The following ROBO4 variants were observed in gnomAD, a reference collection of about 807,000 sequenced individuals.
ROBO4 encodes the protein roundabout homolog 4.
In ROBO4, 80 loss-of-function variants were observed where a neutral mutation model predicts 103.3. The ratio of observed to expected loss-of-function variants is 0.77; its 90% confidence interval spans 0.65 to 0.93. The LOEUF is 0.93. Ranked by LOEUF, ROBO4 falls within the 40% of genes least tolerant of loss-of-function variation. The pLI is 0.00. For synonymous variants in ROBO4, 504 were observed against 529.7 expected (o/e 0.95, Z 0.67); for missense variants, 1,333 against 1,305.3 (o/e 1.02, Z -0.33).
Position 124,887,061 on chromosome 11 carries a change from G to C in ROBO4, c.2351C>G (p.Ser784Cys). The C allele has an allele frequency of 6.2e-7, 1 of 1,613,872 alleles. No individual in the cohort carries two copies. Among genetic ancestry groups the C allele is most frequent in the Non-Finnish European group, 8.5e-7 (1 of 1,179,880 alleles). The stretch of plus-strand genomic sequence containing the variant: ...CACGCTGTCTTGATCCTCCCCCAGG[G>C]ATGACAGTGAGGAGCTGGACAGGCG... The part of the protein sequence containing the change: ...SSRLSSSSLS[S>C]LGEDQDSVLT... Residue 784 changes from serine (S) to cysteine (C), a missense_variant, in exon 15 of 18, where the codon TCC becomes TGC. Physicochemically the swap from Ser to Cys is moderately radical, Grantham distance 112. Coordinates refer to ENST00000306534, the MANE Select transcript of ROBO4 (RefSeq NM_019055.6).
At chr11:124,887,586 A>G in intron 13 of ROBO4, 87 bp from the exon 14 acceptor site, 1 of 1,576,112 alleles carries the variant, frequency 6.3e-7, no homozygotes, top group Non-Finnish European at 8.7e-7. Context: ...CAGCCCCCTT[A>G]GCTACCTGTC....
intron 6 of ROBO4, 66 bp downstream of exon 6, chr11:124,895,391 A>T: frequency 1.4e-6 from 2 of 1,471,772 alleles, no homozygotes; most frequent in Non-Finnish European, 1.9e-6. Flanking sequence ...AGAACAGTCC[A>T]GGGGCCCCCA....
chr11:124,884,843 C>G lies in ROBO4; in HGVS notation c.*48G>C. Reference sequence around the variant, plus strand: ...CCACAGCCCAGGTCTTGTGGGTGGACAGGAGAAGTGGTTCTGATTCCCGTC... The same window carrying G: ...CCACAGCCCAGGTCTTGTGGGTGGAGAGGAGAAGTGGTTCTGATTCCCGTC... On this transcript the variant is annotated 3_prime_UTR_variant, in exon 18 of 18. Transcript: ENST00000306534. 1 of 1,611,062 alleles carries G rather than the reference C, an allele frequency of 6.2e-7. No individual in the cohort carries two copies. Among genetic ancestry groups the G allele is most frequent in the Non-Finnish European group, 8.5e-7 (1 of 1,177,200 alleles).
Position 124,884,833 on chromosome 11 carries a change from T to C in ROBO4, c.*58A>G. On this transcript the variant is annotated 3_prime_UTR_variant, in exon 18 of 18. Transcript: ENST00000306534. ...GACCCACACACCACAGCCCAGGTCT[T>C]GTGGGTGGACAGGAGAAGTGGTTCT... The C allele has an allele frequency of 1.1e-5, 17 of 1,601,718 alleles. No individual in the cohort carries two copies. The highest frequency in any genetic ancestry group is 1.4e-5 in the Non-Finnish European group (16 of 1,168,772).
At chr11:124,887,989 C>T in intron 12 of ROBO4, 149 bp from the exon 13 acceptor site, 1 of 635,806 alleles carries the variant, frequency 1.6e-6, no homozygotes, top group African/African-American at 1.8e-5. Flanking sequence ...CTCCACACCC[C>T]CATCTTCATC....
In ROBO4 at chr11:124,887,718, G is replaced by C. The variant is rs1226661371; in HGVS notation, c.2056+15C>G. ...ATCTCACCCCTTCACTTCCCTTTCA[G>C]GGACCCCCTCTCACCTGGGCTTTGG... On this transcript the variant is annotated intron_variant, in intron 13 of 17. Coordinates refer to ENST00000306534, the MANE Select transcript of ROBO4 (RefSeq NM_019055.6). The C allele has an allele frequency of 1.4e-5, 23 of 1,611,064 alleles. No individual in the cohort carries two copies. The Admixed American group carries it at 3.8e-4, about 27-fold the overall frequency.
At position 124,893,994 on chromosome 11, in the gene ROBO4, G is replaced by A; in HGVS notation, c.1370C>T (p.Thr457Ile). Reference sequence around the variant, plus strand: ...CAAGGTAGCCCTCAGCTGCTCCAGGGTCCAGGGACCATGCTCACTGGGTTC... The same window carrying A: ...CAAGGTAGCCCTCAGCTGCTCCAGGATCCAGGGACCATGCTCACTGGGTTC... ...TQEPSEHGPWTLEQLRATLKR... is the reference protein window; with the variant it reads ...TQEPSEHGPWILEQLRATLKR... The change falls in exon 9 of 18, where the codon ACC (threonine) becomes ATC (isoleucine). Residue 457 changes from threonine (T) to isoleucine (I), a missense_variant. Physicochemically the swap from Thr to Ile is moderately conservative, Grantham distance 89. Coordinates refer to ENST00000306534, the MANE Select transcript of ROBO4 (RefSeq NM_019055.6). 6.3e-7 allele frequency: 1 copy of A among 1,577,456 alleles called. No individual in the cohort carries two copies. Among genetic ancestry groups the A allele is most frequent in the Non-Finnish European group, 8.6e-7 (1 of 1,162,536 alleles).
Position 124,887,130 on chromosome 11 carries a change from C to G in ROBO4, c.2282G>C (p.Ser761Thr), listed in dbSNP as rs747213868. The change falls in exon 15 of 18, where the codon AGC becomes ACC. Residue 761 changes from serine to threonine, a missense_variant. By Grantham distance (58) the Ser-to-Thr change is moderately conservative. Transcript: ENST00000306534. Reference sequence around the variant, plus strand: ...GCCAGAGAGGGAAGAGGCCTGGGGGCTAGGGGGACTGCAGGGGCTAAGGAT... The same window carrying G: ...GCCAGAGAGGGAAGAGGCCTGGGGGGTAGGGGGACTGCAGGGGCTAAGGAT... ...IPILSPCSPP[S>T]PQASSLSGPS... is the part of the protein sequence containing the mutation. 1 of 1,612,968 alleles carries G rather than the reference C, an allele frequency of 6.2e-7. No individual in the cohort carries two copies. The highest frequency in any genetic ancestry group is 1.7e-5 in the Admixed American group (1 of 59,918).
At chr11:124,893,089 G>C (rs118157723) in intron 10 of ROBO4, 1 of 155,534 alleles carries the variant, frequency 6.4e-6, no homozygotes, top group Non-Finnish European at 1.4e-5. Context: ...GAGATGAGGC[G>C]GTTACTTAGT....
intron 3 of ROBO4, 74 bp from the exon 4 acceptor site, chr11:124,896,392 C>T: frequency 6.3e-7 from 1 of 1,597,596 alleles, no homozygotes; most frequent in Non-Finnish European, 8.5e-7. Context: ...TTTGAGGCCC[C>T]CTGCTCTCCC....
chr11:124,891,322 G>C lies in ROBO4; in HGVS notation c.1925C>G (p.Ala642Gly). 1 of 1,520,458 alleles carries C rather than the reference G, an allele frequency of 6.6e-7. No individual in the cohort carries two copies. The highest frequency in any genetic ancestry group is 8.8e-7 in the Non-Finnish European group (1 of 1,136,410). 94.2% of individuals were successfully genotyped at this position (1,520,458 alleles called of 1,614,324 possible). The change falls in exon 12 of 18, where the codon GCT becomes GGT. Residue 642 changes from alanine (A) to glycine (G), a missense_variant. Coordinates refer to ENST00000306534, the MANE Select transcript of ROBO4 (RefSeq NM_019055.6). ...ACCCTGCTTCTTTTTGGCCTTCCAA[G>C]CCTCTGCAGGGGCCAGAGACAAGCG... ...SPRLSLAPAE[A>G]WKAKKKQELQ...
chr11:124,893,788 C>G (rs997538736), intron 9 of ROBO4, 58 bp from the exon 10 acceptor site: 2 of 1,613,082 alleles, frequency 1.2e-6, no homozygotes, highest in East Asian at 2.2e-5. Flanking sequence ...GTCAGAGATC[C>G]AAAGCCCCTG....
rs1264765338 is a variant in ROBO4, at chr11:124,895,446, C to T, written c.1036+11G>A. 1.2e-6 allele frequency: 2 copies of T among 1,606,838 alleles called. No individual in the cohort carries two copies. Among genetic ancestry groups the T allele is most frequent in the Non-Finnish European group, 1.7e-6 (2 of 1,178,936 alleles). On this transcript the variant is annotated intron_variant, in intron 6 of 17. Coordinates refer to ENST00000306534, the MANE Select transcript of ROBO4 (RefSeq NM_019055.6). ...GGATATTGTTGGCTTCTGAAGGGAT[C>T]AGGCCCTGACCTTTTTCCGGCAGCC...
rs1946801389 is a variant in ROBO4 at position 124,891,689 on chromosome 11, T to TC, written c.1660dup (p.Asp554GlyfsTer35). ...ACAGGAGCGACGACAGTCTAGTGGG[T>TC]CCCGGGCATCCGCCCCCAGCCGACT... On this transcript the variant is annotated frameshift_variant, in exon 11 of 18. Transcript: ENST00000306534. LOFTEE classifies it high-confidence loss of function. 6.2e-7 allele frequency: 1 copy of TC among 1,614,074 alleles called. No individual in the cohort carries two copies. Among genetic ancestry groups the TC allele is most frequent in the East Asian group, 2.2e-5 (1 of 44,876 alleles).
In ROBO4 at chr11:124,897,628, C is replaced by CTCG. The variant is rs1321336201; in HGVS notation, c.70+97_70+98insCGA. 121 of 1,011,054 alleles carry CTCG rather than the reference C, an allele frequency of 1.2e-4. No individual in the cohort carries two copies. The Admixed American group carries it at 2.1e-3, about 18-fold the overall frequency. The allele number at this position is 1,011,054 out of a possible 1,614,324, so 62.6% of individuals were successfully genotyped here. ...TCATCCTCATCCTCATCTCTGGTCCCCCCACTGCAAAAGGGAAGCAGGCAG... is the reference window on the plus strand; with the variant it reads ...TCATCCTCATCCTCATCTCTGGTCCCTCGCCCACTGCAAAAGGGAAGCAGGCAG... On this transcript the variant is annotated intron_variant, in intron 1 of 17. Coordinates refer to ENST00000306534, the MANE Select transcript of ROBO4 (RefSeq NM_019055.6).
At chr11:124,887,943 G>A in intron 12 of ROBO4, 103 bp from the exon 13 acceptor site, 1 of 892,108 alleles carries the variant, frequency 1.1e-6, no homozygotes. Context: ...GCACGACCCT[G>A]AACCCAGAGA....
At chr11:124,890,969 G>A (rs1225982859) in intron 12 of ROBO4, among the ~76,000 whole-genome samples, 1 of 152,230 alleles carries the variant, frequency 6.6e-6, no homozygotes, top group Non-Finnish European at 1.5e-5. Context: ...GTCAGGGGCT[G>A]TGTCTGACGT....
Position 124,895,653 on chromosome 11 carries a change from G to T in ROBO4, c.840C>A (p.Tyr280Ter). 1 of 1,613,734 alleles carries T rather than the reference G, an allele frequency of 6.2e-7. No individual in the cohort carries two copies. Among genetic ancestry groups the T allele is most frequent in the Non-Finnish European group, 8.5e-7 (1 of 1,179,778 alleles). ...CAGTCTGGGTCCTGAACAAGGCCGT[G>T]TAAGATTGGGCAGGCGCAGCAGGGC... ...VSGPAAPAQS[Y>*]TALFRTQTAP... Residue 280 changes from tyrosine to a stop codon, truncating the protein, a stop_gained, in exon 6 of 18, where the codon TAC becomes TAA. Transcript: ENST00000306534. LOFTEE classifies it high-confidence loss of function.
chr11:124,889,835 C>A (rs1428326243), intron 12 of ROBO4, among the ~76,000 whole-genome samples: 3 of 152,112 alleles, frequency 2.0e-5, no homozygotes, highest in African/African-American at 7.2e-5. Flanking sequence ...ATAGCATGAT[C>A]TTGTTGCTGC....
Sources: allele counts gnomAD v4.1 joint callset (sites outside exome capture counted in the v4.1 genomes callset), GRCh38; gene constraint gnomAD v4.1.1; transcripts MANE v1.5; gene names NCBI Gene and HGNC (gene_info 2026-07-23, HGNC 2026-07-21).